The following HDAC9 variants were observed in gnomAD, a reference collection of about 807,000 sequenced individuals.
HDAC9 encodes MEF-2 interacting transcription repressor (MITR) protein.
HDAC9 carries 41 observed loss-of-function variants against 139.4 expected under a neutral mutation model. That is an observed-to-expected ratio of 0.29 (90% CI 0.23 to 0.38). The LOEUF (loss-of-function observed/expected upper bound fraction) is 0.38, where lower values mean the gene tolerates loss of function less well. Ranked by LOEUF, HDAC9 falls within the 10% of genes least tolerant of loss-of-function variation. The probability of loss-of-function intolerance (pLI) is 1.00; values close to 1 mark genes in which losing one functional copy is unlikely to be tolerated. For synonymous variants in HDAC9, 517 were observed against 476.2 expected, an observed-to-expected ratio of 1.09 and a Z score of -1.12; for missense variants, 1,147 against 1,297.0, an observed-to-expected ratio of 0.88 and a Z score of 1.78.
At chr7:18,402,334 TA>T (rs1052946725) in intron 1 of HDAC9, among the ~76,000 whole-genome samples, 1 of 152,074 alleles carries the variant, frequency 6.6e-6, no homozygotes, top group Admixed American at 6.6e-5. Flanking sequence ...AAAGGCCTCC[TA>T]AAGGAATGAA....
At chr7:18,907,928 A>G (rs1802409161) in intron 22 of HDAC9, among the ~76,000 whole-genome samples, 1 of 152,150 alleles carries the variant, frequency 6.6e-6, no homozygotes, top group African/African-American at 2.4e-5. Flanking sequence ...TTCTGTACAC[A>G]TACTATGTAT....
At chr7:18,314,227 A>G (rs1799495299) in intron 1 of HDAC9, among the ~76,000 whole-genome samples, 1 of 152,202 alleles carries the variant, frequency 6.6e-6, no homozygotes, top group Non-Finnish European at 1.5e-5. Context: ...ATTGTATTCT[A>G]GAGATAGTAA....
At chr7:18,474,249 A>C (rs535261374) in intron 1 of HDAC9, among the ~76,000 whole-genome samples, 90 of 152,338 alleles carry the variant, frequency 5.9e-4, no homozygotes, top group African/African-American at 2.1e-3. Flanking sequence ...GGGTATATGG[A>C]GTTCTTAGTA....
intron 1 of HDAC9, among the ~76,000 whole-genome samples, chr7:18,137,874 G>A (rs1429497922): frequency 6.6e-6 from 1 of 152,102 alleles, no homozygotes; most frequent in Non-Finnish European, 1.5e-5. Flanking sequence ...AGTTTCAGAA[G>A]GAATGGTACC....
At chr7:18,325,690 A>T (rs1800387397) in intron 1 of HDAC9, 2 of 152,198 alleles carry the variant, frequency 1.3e-5, no homozygotes, top group East Asian at 1.9e-4. Flanking sequence ...GCAAAAAAAA[A>T]TAATAAAATA....
chr7:18,947,559 T>C (rs1447434934), intron 23 of HDAC9, among the ~76,000 whole-genome samples: 3 of 151,950 alleles, frequency 2.0e-5, no homozygotes, highest in African/African-American at 7.2e-5. Context: ...TGAATAAAAA[T>C]ACAGCAAATG....
intron 22 of HDAC9, among the ~76,000 whole-genome samples, chr7:18,927,010 A>T (rs1804292503): frequency 6.6e-6 from 1 of 152,238 alleles, no homozygotes; most frequent in Non-Finnish European, 1.5e-5. Flanking sequence ...GTGAACTTGG[A>T]AAGAGTCCTG....
At chr7:18,764,339 A>G (rs536844990) in intron 15 of HDAC9, among the ~76,000 whole-genome samples, 1 of 152,240 alleles carries the variant, frequency 6.6e-6, no homozygotes, top group Admixed American at 6.5e-5. Flanking sequence ...GTGGAGTTTC[A>G]TATACACTTC....
intron 2 of HDAC9, among the ~76,000 whole-genome samples, chr7:18,584,242 G>A (rs1044966184): frequency 7.1e-6 from 1 of 141,690 alleles, no homozygotes; most frequent in African/African-American, 2.6e-5. Flanking sequence ...CCAGGTTCAC[G>A]CCATTCTCCT....
intron 12 of HDAC9, among the ~76,000 whole-genome samples, chr7:18,685,717 G>T (rs1047553661): frequency 2.0e-5 from 3 of 151,932 alleles, no homozygotes; most frequent in Non-Finnish European, 4.4e-5. Flanking sequence ...CTCCTAAGGG[G>T]GGTGGGGTGA....
At chr7:18,790,503 G>A (rs1004132967) in intron 16 of HDAC9, among the ~76,000 whole-genome samples, 2 of 152,132 alleles carry the variant, frequency 1.3e-5, no homozygotes, top group Non-Finnish European at 2.9e-5. Context: ...GAACTTCAAA[G>A]CCTCCAGAAT....
intron 22 of HDAC9, among the ~76,000 whole-genome samples, chr7:18,895,424 A>G (rs531800862): frequency 6.6e-6 from 1 of 152,198 alleles, no homozygotes; most frequent in East Asian, 1.9e-4. Context: ...AAAGAGAGTA[A>G]ATTGAAAAGC....
At chr7:18,772,487 G>T (rs938817563) in intron 16 of HDAC9, among the ~76,000 whole-genome samples, 1 of 151,890 alleles carries the variant, frequency 6.6e-6, no homozygotes, top group Admixed American at 6.6e-5. Context: ...AAGAGGAGGG[G>T]GTAGCATCTG....
rs566227339 is a variant in HDAC9, at chr7:18,673,979, A to G, written c.1731+7503A>G. On this transcript the variant is annotated intron_variant, in intron 12 of 25. Coordinates refer to ENST00000686413, the MANE Select transcript of HDAC9 (RefSeq NM_178425.4). Reference sequence around the variant, plus strand: ...GCTCCATTCTCATCTCAAAGTTAGTAAATTCATGCATAATGTGTGCTGGTT... The same window carrying G: ...GCTCCATTCTCATCTCAAAGTTAGTGAATTCATGCATAATGTGTGCTGGTT... Among the ~76,000 whole-genome samples, 22 of 152,178 alleles carry G rather than the reference A, an allele frequency of 1.4e-4. No homozygotes were observed. In the South Asian group the frequency reaches 2.3e-3, roughly 16 times the overall value.
At chr7:18,442,541 G>C (rs1165043710) in intron 1 of HDAC9, among the ~76,000 whole-genome samples, 1 of 152,100 alleles carries the variant, frequency 6.6e-6, no homozygotes, top group African/African-American at 2.4e-5. Flanking sequence ...CCATTAGGGA[G>C]GCCCAAAATC....
intron 1 of HDAC9, among the ~76,000 whole-genome samples, chr7:18,383,153 TAAG>T (rs1562937705): frequency 1.3e-5 from 2 of 152,144 alleles, no homozygotes; most frequent in South Asian, 4.1e-4. Context: ...ATAATTTGAT[TAAG>T]AAGAGAAATA....
chr7:18,425,509 A>T (rs138297093), intron 1 of HDAC9, among the ~76,000 whole-genome samples: 1 of 152,260 alleles, frequency 6.6e-6, no homozygotes, highest in Non-Finnish European at 1.5e-5. Flanking sequence ...TTGTCAACTA[A>T]ATTGTATTTG....
At chr7:18,694,952 C>A (rs1782934767) in intron 12 of HDAC9, among the ~76,000 whole-genome samples, 1 of 152,110 alleles carries the variant, frequency 6.6e-6, no homozygotes, top group South Asian at 2.1e-4. Flanking sequence ...GTGGGAGTGA[C>A]ATTTTTTATT....
intron 23 of HDAC9, among the ~76,000 whole-genome samples, chr7:18,936,766 C>T (rs1216570990): frequency 2.0e-5 from 3 of 152,068 alleles, no homozygotes; most frequent in Non-Finnish European, 4.4e-5. Context: ...TAAACATATA[C>T]AAAATCTTTT....
Sources: gnomAD v4.1 joint callset for allele counts (sites outside exome capture counted in the v4.1 genomes callset) on GRCh38, gnomAD v4.1.1 for gene constraint, MANE v1.5 for transcripts, NCBI Gene and HGNC (gene_info 2026-07-23, HGNC 2026-07-21) for gene names.